Variants in PELI2 observed in about 807,000 individuals in gnomAD.
PELI2 encodes E3 ubiquitin-protein ligase pellino homolog 2.
Under a neutral mutation model 42.3 loss-of-function variants are expected in PELI2, and 23 were observed. The ratio of observed to expected loss-of-function variants is 0.54; its 90% confidence interval spans 0.39 to 0.77. The LOEUF (loss-of-function observed/expected upper bound fraction) is 0.77, where lower values mean the gene tolerates loss of function less well. Among genes scored for constraint, PELI2 ranks in the 30% least tolerant of loss-of-function variants. PELI2 has a pLI of 0.00. For missense variants in PELI2, 463 were observed against 553.2 expected (o/e 0.84, Z 1.64); for synonymous variants, 245 against 212.2 (o/e 1.15, Z -1.34).
intron 1 of PELI2, among the ~76,000 whole-genome samples, chr14:56,137,506 G>C (rs1301122660): frequency 1.3e-5 from 2 of 152,120 alleles, no homozygotes; most frequent in Non-Finnish European, 1.5e-5. Flanking sequence ...CCAGAATGTT[G>C]CTGATTTGAA....
chr14:56,186,829 A>AT (rs756718724), intron 2 of PELI2, among the ~76,000 whole-genome samples: 1 of 152,188 alleles, frequency 6.6e-6, no homozygotes, highest in Non-Finnish European at 1.5e-5. Flanking sequence ...TTAAAGCATA[A>AT]TTTTATTAGA....
intron 1 of PELI2, among the ~76,000 whole-genome samples, chr14:56,125,547 T>G (rs1055045588): frequency 6.6e-6 from 1 of 152,154 alleles, no homozygotes; most frequent in African/African-American, 2.4e-5. Context: ...CTTCTTTCGG[T>G]TTTTACTTAC....
At chr14:56,245,357 A>T (rs1888113666) in intron 2 of PELI2, among the ~76,000 whole-genome samples, 1 of 152,226 alleles carries the variant, frequency 6.6e-6, no homozygotes, top group South Asian at 2.1e-4. Context: ...TTGAACCCAA[A>T]TGAAAGATTG....
chr14:56,157,398 TAGA>T (rs1884607107), intron 1 of PELI2, among the ~76,000 whole-genome samples: 1 of 152,216 alleles, frequency 6.6e-6, no homozygotes. Context: ...ATTCTAGAAA[TAGA>T]AGAATCTTCT....
intron 1 of PELI2, among the ~76,000 whole-genome samples, chr14:56,137,597 C>T (rs1376336464): frequency 6.6e-6 from 1 of 152,146 alleles, no homozygotes; most frequent in East Asian, 1.9e-4. Context: ...GTCGTTTCCC[C>T]TTCTAGGGGA....
chr14:56,202,314 T>G (rs757989487), intron 2 of PELI2, among the ~76,000 whole-genome samples: 1 of 150,208 alleles, frequency 6.7e-6, no homozygotes, highest in Non-Finnish European at 1.5e-5. Context: ...AATATCAAAA[T>G]AAGCCTGCCT....
chr14:56,216,857 C>A (rs1479668712), intron 2 of PELI2, among the ~76,000 whole-genome samples: 1 of 152,214 alleles, frequency 6.6e-6, no homozygotes, highest in Non-Finnish European at 1.5e-5. Context: ...GTTACTGCTT[C>A]TCTTGAGGCT....
Position 56,295,347 on chromosome 14 carries a change from C to T in PELI2, c.697-1253C>T, listed in dbSNP as rs368098979. ...CCCTCTCCCGCCTGGGTCTCTCGTC[C>T]CCCCCCACCCAGTGCCCTGAACTGC... On this transcript the variant is annotated intron_variant, in intron 5 of 5. Transcript: ENST00000267460. 7.2e-5 allele frequency among the ~76,000 whole-genome samples: 11 copies of T among 152,006 alleles called. No individual in the cohort carries two copies. In the South Asian group the frequency reaches 8.4e-4, roughly 12 times the overall value.
chr14:56,281,813 C>T (rs552720188), intron 3 of PELI2, among the ~76,000 whole-genome samples: 1 of 152,156 alleles, frequency 6.6e-6, no homozygotes, highest in African/African-American at 2.4e-5. Context: ...AGAAAATATG[C>T]TCAACCTCAT....
At chr14:56,208,257 G>C (rs1886587273) in intron 2 of PELI2, among the ~76,000 whole-genome samples, 1 of 152,160 alleles carries the variant, frequency 6.6e-6, no homozygotes, top group Non-Finnish European at 1.5e-5. Flanking sequence ...AGTGCCCAGG[G>C]TGGCAGTCTA....
chr14:56,145,981 ATAAAAC>A (rs1884100027), intron 1 of PELI2, among the ~76,000 whole-genome samples: 1 of 152,252 alleles, frequency 6.6e-6, no homozygotes. Context: ...GTAATGAAAT[ATAAAAC>A]TATAAAGTCA....
At chr14:56,173,665 C>T (rs1885262512) in intron 1 of PELI2, among the ~76,000 whole-genome samples, 1 of 152,200 alleles carries the variant, frequency 6.6e-6, no homozygotes, top group Non-Finnish European at 1.5e-5. Flanking sequence ...TTCCTTGCCT[C>T]TTCCAGCTTC....
At chr14:56,247,663 A>G (rs560542936) in intron 2 of PELI2, among the ~76,000 whole-genome samples, 1 of 152,312 alleles carries the variant, frequency 6.6e-6, no homozygotes, top group African/African-American at 2.4e-5. Flanking sequence ...TTAACACAAG[A>G]CAGAATTCTG....
At chr14:56,149,248 T>C (rs1429966478) in intron 1 of PELI2, among the ~76,000 whole-genome samples, 1 of 152,230 alleles carries the variant, frequency 6.6e-6, no homozygotes, top group Non-Finnish European at 1.5e-5. Context: ...GTGAACTTAC[T>C]ACATAAGCTT....
At chr14:56,200,525 C>G (rs1312492352) in intron 2 of PELI2, among the ~76,000 whole-genome samples, 1 of 152,142 alleles carries the variant, frequency 6.6e-6, no homozygotes, top group Non-Finnish European at 1.5e-5. Context: ...AGGGTACCAT[C>G]TAGAACTGGA....
intron 1 of PELI2, among the ~76,000 whole-genome samples, chr14:56,147,715 A>G (rs1245789739): frequency 6.6e-6 from 1 of 152,198 alleles, no homozygotes; most frequent in African/African-American, 2.4e-5. Flanking sequence ...CTGTCTTGTG[A>G]TGGAATTCTC....
chr14:56,299,901 C>CA lies in PELI2; in HGVS notation c.*2744dup, dbSNP rs5808852. On this transcript the variant is annotated 3_prime_UTR_variant, in exon 6 of 6. Coordinates refer to ENST00000267460, the MANE Select transcript of PELI2 (RefSeq NM_021255.3). ...TTTCAGTTGTTTATGTCGTTTACTA[C>CA]AAAAAAAAAGATTCAGAGTGGATGG... is the stretch of plus-strand genomic sequence containing the variant. 0.11 allele frequency: 17,219 copies of CA among 150,934 alleles called. 1,185 individuals are homozygous for CA. Among genetic ancestry groups the CA allele is most frequent in the Non-Finnish European group, 0.15 (10,307 of 67,552 alleles). 9.3% of individuals were successfully genotyped at this position (150,934 alleles called of 1,614,324 possible). A position where few individuals can be genotyped will look rare whatever the true frequency, so the allele number is the denominator to read the frequency against.
intron 3 of PELI2, among the ~76,000 whole-genome samples, chr14:56,282,493 C>A (rs995574248): frequency 2.0e-5 from 3 of 151,938 alleles, no homozygotes; most frequent in Non-Finnish European, 2.9e-5. Flanking sequence ...GTAGCAGTTG[C>A]CTTTGTGGGG....
intron 2 of PELI2, among the ~76,000 whole-genome samples, chr14:56,194,863 T>TTG (rs1886076621): frequency 6.6e-6 from 1 of 152,132 alleles, no homozygotes; most frequent in Non-Finnish European, 1.5e-5. Flanking sequence ...TTGTAAAAGA[T>TTG]TAGTACATTT....
Sources: allele counts gnomAD v4.1 joint callset (sites outside exome capture counted in the v4.1 genomes callset), GRCh38; gene constraint gnomAD v4.1.1; transcripts MANE v1.5; gene names NCBI Gene and HGNC (gene_info 2026-07-23, HGNC 2026-07-21).